NCKAP1L: variants seen among roughly 807,000 people sequenced by gnomAD.
The protein encoded by NCKAP1L is NCK associated protein 1 like, also known as nck-associated protein 1-like.
In NCKAP1L, 53 loss-of-function variants were observed where a neutral mutation model predicts 139.2. The observed-to-expected ratio is 0.38, with a 90% confidence interval of 0.31 to 0.48. The LOEUF (loss-of-function observed/expected upper bound fraction) is 0.48, where lower values mean the gene tolerates loss of function less well. Ranked by LOEUF, NCKAP1L falls within the 20% of genes least tolerant of loss-of-function variation. NCKAP1L has a pLI of 0.98. For missense variants in NCKAP1L, 1,151 were observed against 1,381.9 expected, an observed-to-expected ratio of 0.83 and a Z score of 2.65; for synonymous variants, 468 against 499.7, an observed-to-expected ratio of 0.94 and a Z score of 0.85.
In NCKAP1L at chr12:54,518,944, G is replaced by C; in HGVS notation, c.1451G>C (p.Gly484Ala). The C allele has an allele frequency of 1.2e-6, 2 of 1,614,096 alleles. No homozygotes were observed. Among genetic ancestry groups the C allele is most frequent in the Middle Eastern group, 1.6e-4 (1 of 6,062 alleles). The change falls in exon 15 of 31, where the codon GGA becomes GCA. Residue 484 changes from glycine (G) to alanine (A), a missense_variant. Gly to Ala is a moderately conservative substitution (Grantham distance 60). Transcript: ENST00000293373. ...AATGGAGAAAAATTTGAATTCTCAGGATTGAGGCTGGACTGGTTCCGCCTA... is the reference window on the plus strand; with the variant it reads ...AATGGAGAAAAATTTGAATTCTCAGCATTGAGGCTGGACTGGTTCCGCCTA... ...VDNGEKFEFSGLRLDWFRLQA... is the reference protein window; with the variant it reads ...VDNGEKFEFSALRLDWFRLQA...
At position 54,511,792 on chromosome 12, in the gene NCKAP1L, T is replaced by C. The variant is rs1438982658; in HGVS notation, c.736-11T>C. 6.2e-7 allele frequency: 1 copy of C among 1,613,340 alleles called. No homozygotes were observed. The highest frequency in any genetic ancestry group is 8.5e-7 in the Non-Finnish European group (1 of 1,179,646). ...TTAAATAACTGATCATCTTTGCTTC[T>C]CTTCTCACAGATGGCCTGTGAGTAT... On this transcript the variant is annotated splice_polypyrimidine_tract_variant and intron_variant, in intron 7 of 30. Coordinates refer to ENST00000293373, the MANE Select transcript of NCKAP1L (RefSeq NM_005337.5).
At chr12:54,502,766 C>T (rs1249386) in intron 3 of NCKAP1L, among the ~76,000 whole-genome samples, 107,416 of 145,766 alleles carry the variant, frequency 0.74, 39,402 homozygotes, top group East Asian at 0.85. Flanking sequence ...GGGGATGAAT[C>T]GCTTGAGCCC....
chr12:54,499,655 A>G lies in NCKAP1L; in HGVS notation c.213+190A>G, dbSNP rs558196004. On this transcript the variant is annotated intron_variant, in intron 2 of 30. Coordinates refer to ENST00000293373, the MANE Select transcript of NCKAP1L (RefSeq NM_005337.5). ...CTTTAAGTCTTGAGCATTTTGAGAT[A>G]AGATGGGATTCTTCCAGCATAAGCT... Among the ~76,000 whole-genome samples, 7 of 152,334 alleles carry G rather than the reference A, an allele frequency of 4.6e-5. No homozygotes were observed. In the South Asian group the frequency reaches 1.4e-3, roughly 32 times the overall value.
intron 17 of NCKAP1L, 66 bp from the exon 18 acceptor site, chr12:54,521,053 G>A (rs1956978771): frequency 8.7e-6 from 14 of 1,607,494 alleles, no homozygotes; most frequent in South Asian, 1.1e-5. Flanking sequence ...GATGAGAGCA[G>A]TATTGTGAGG....
chr12:54,535,085 G>A lies in NCKAP1L; in HGVS notation c.2863-19G>A. The A allele has an allele frequency of 6.2e-7, 1 of 1,607,064 alleles. No individual in the cohort carries two copies. The highest frequency in any genetic ancestry group is 2.2e-5 in the East Asian group (1 of 44,712). Reference sequence around the variant, plus strand: ...GTGTCCTGCGAATCCTCTCTAGAATGTTATTTTCTTCTCTCCAGGTGACCT... The same window carrying A: ...GTGTCCTGCGAATCCTCTCTAGAATATTATTTTCTTCTCTCCAGGTGACCT... On this transcript the variant is annotated intron_variant, in intron 26 of 30. Coordinates refer to ENST00000293373, the MANE Select transcript of NCKAP1L (RefSeq NM_005337.5).
At chr12:54,536,692 A>G (rs1231114077) in intron 28 of NCKAP1L, 1 of 397,206 alleles carries the variant, frequency 2.5e-6, no homozygotes, top group African/African-American at 2.5e-5. Flanking sequence ...AAAAGGAACA[A>G]AACACCAAAA....
chr12:54,538,420 G>T (rs1226874825), intron 29 of NCKAP1L, among the ~76,000 whole-genome samples: 1 of 152,188 alleles, frequency 6.6e-6, no homozygotes, highest in Admixed American at 6.5e-5. Context: ...TCCTTTGGGG[G>T]TTTGGGGATG....
At chr12:54,522,660 A>G (rs983760070) in intron 18 of NCKAP1L, among the ~76,000 whole-genome samples, 1 of 152,206 alleles carries the variant, frequency 6.6e-6, no homozygotes, top group African/African-American at 2.4e-5. Context: ...AGGCACGACT[A>G]AAAGTAACAA....
At chr12:54,500,725 A>T (rs777689622) in intron 3 of NCKAP1L, 100 bp downstream of exon 3, 17 of 778,694 alleles carry the variant, frequency 2.2e-5, no homozygotes, top group Non-Finnish European at 3.8e-5. Flanking sequence ...TCTTGAAAAA[A>T]TGAGAGAGAT....
chr12:54,523,751 T>C lies in NCKAP1L; in HGVS notation c.2025-74T>C. ...CTGAGTATCCCTAGAAACTGGGTCA[T>C]GGGCCCAACACGTCCTTCCTAGACA... is the stretch of plus-strand genomic sequence containing the variant. On this transcript the variant is annotated intron_variant, in intron 19 of 30. Transcript: ENST00000293373. 8 of 1,549,396 alleles carry C rather than the reference T, an allele frequency of 5.2e-6. No individual in the cohort carries two copies. In the South Asian group the frequency reaches 8.8e-5, roughly 17 times the overall value.
At chr12:54,516,597 C>T (rs1429063897) in intron 10 of NCKAP1L, among the ~76,000 whole-genome samples, 5 of 152,066 alleles carry the variant, frequency 3.3e-5, no homozygotes, top group African/African-American at 9.7e-5. Context: ...AGGCACCCAC[C>T]ACCACGCCCA....
intron 3 of NCKAP1L, chr12:54,500,866 T>A (rs1956792456): frequency 6.2e-6 from 2 of 320,740 alleles, no homozygotes; most frequent in Admixed American, 9.6e-5. Context: ...CTAGGAAAGA[T>A]CTGGACTATT....
At chr12:54,519,019 C>G in intron 15 of NCKAP1L, 47 bp downstream of exon 15, 1 of 1,570,150 alleles carries the variant, frequency 6.4e-7, no homozygotes, top group Non-Finnish European at 8.8e-7. Flanking sequence ...GATTCTTCCT[C>G]CCCCACAATC....
intron 20 of NCKAP1L, 90 bp downstream of exon 20, chr12:54,524,046 G>T: frequency 7.2e-7 from 1 of 1,393,970 alleles, no homozygotes; most frequent in Non-Finnish European, 9.8e-7. Context: ...CTCAAAGTTG[G>T]GTCCCATTAC....
chr12:54,528,324 T>C lies in NCKAP1L; in HGVS notation c.2453T>C (p.Leu818Pro), dbSNP rs761996169. ...CCAGCCATGCAGGCCTTCGTCAGCC[T>C]GCCCAGAGAAGGGGAGCAGAACTTC... The part of the protein sequence containing the change: ...LSPAMQAFVS[L>P]PREGEQNFSA... The change falls in exon 22 of 31, where the codon CTG becomes CCG. Residue 818 changes from leucine to proline, a missense_variant. Transcript: ENST00000293373. 2 of 1,614,034 alleles carry C rather than the reference T, an allele frequency of 1.2e-6. No individual in the cohort carries two copies. The highest frequency in any genetic ancestry group is 1.7e-6 in the Non-Finnish European group (2 of 1,179,954).
chr12:54,539,100 C>T (rs1957136840), intron 30 of NCKAP1L, 127 bp downstream of exon 30: 2 of 717,330 alleles, frequency 2.8e-6, no homozygotes, highest in East Asian at 2.7e-5. Flanking sequence ...CTTAACTCTG[C>T]ATAACCCTCT....
intron 29 of NCKAP1L, 33 bp from the exon 30 acceptor site, chr12:54,538,851 T>C (rs755236594): frequency 1.3e-6 from 2 of 1,578,248 alleles, no homozygotes; most frequent in South Asian, 1.1e-5. Flanking sequence ...CTGACCTGTA[T>C]AAAAATCTGC....
intron 30 of NCKAP1L, among the ~76,000 whole-genome samples, chr12:54,539,923 C>T (rs115476828): frequency 0.012 from 1,801 of 152,234 alleles, 47 homozygotes; most frequent in African/African-American, 0.042. Flanking sequence ...GCCCAAGGGA[C>T]GTGTGGCTGG....
intron 21 of NCKAP1L, 96 bp downstream of exon 21, chr12:54,526,842 G>A (rs1454477722): frequency 8.9e-6 from 9 of 1,008,686 alleles, no homozygotes; most frequent in Non-Finnish European, 1.4e-5. Flanking sequence ...TTAGCTCCCA[G>A]GGTCATAGAC....
Sources: gnomAD v4.1 joint callset for allele counts (sites outside exome capture counted in the v4.1 genomes callset) on GRCh38, gnomAD v4.1.1 for gene constraint, MANE v1.5 for transcripts, NCBI Gene and HGNC (gene_info 2026-07-23, HGNC 2026-07-21) for gene names.